GPC6: variants seen among roughly 807,000 people sequenced by gnomAD.
GPC6 encodes glypican 6.
A neutral mutation model predicts 55.2 loss-of-function variants in GPC6; 14 were observed. The ratio of observed to expected loss-of-function variants is 0.25; its 90% CI spans 0.17 to 0.40. The LOEUF is 0.40. Ranked by LOEUF, GPC6 falls within the 10% of genes least tolerant of loss-of-function variation. GPC6 has a pLI of 1.00. For missense variants in GPC6, 641 were observed against 708.5 expected (o/e 0.90, Z 1.08); for synonymous variants, 278 against 259.6 (o/e 1.07, Z -0.68).
chr13:93,434,469 G>C (rs1877489914), intron 1 of GPC6, among the ~76,000 whole-genome samples: 1 of 152,094 alleles, frequency 6.6e-6, no homozygotes, highest in Non-Finnish European at 1.5e-5. Flanking sequence ...CCAATCTGTT[G>C]AGCCCAGACA....
chr13:93,882,107 G>C (rs145288899), intron 3 of GPC6, among the ~76,000 whole-genome samples: 12 of 131,144 alleles, frequency 9.2e-5, no homozygotes, highest in African/African-American at 3.1e-4. Context: ...CTTTTCTTTC[G>C]CGGATTTTAA....
At chr13:93,556,446 T>A (rs1350691256) in intron 2 of GPC6, among the ~76,000 whole-genome samples, 1 of 146,054 alleles carries the variant, frequency 6.8e-6, no homozygotes, top group Non-Finnish European at 1.5e-5. Context: ...TGGGGGTACA[T>A]GAGATGTTTT....
intron 1 of GPC6, among the ~76,000 whole-genome samples, chr13:93,363,655 T>A (rs1241039944): frequency 6.6e-6 from 1 of 151,922 alleles, no homozygotes; most frequent in African/African-American, 2.4e-5. Flanking sequence ...TACCCAGTAA[T>A]GGGATGGCTG....
intron 2 of GPC6, among the ~76,000 whole-genome samples, chr13:93,825,259 G>A (rs536441195): frequency 2.1e-4 from 32 of 152,212 alleles, no homozygotes; most frequent in Non-Finnish European, 4.1e-4. Flanking sequence ...AAAAGGTAGA[G>A]GCCAGGCATA....
intron 1 of GPC6, among the ~76,000 whole-genome samples, chr13:93,231,111 T>G (rs536870483): frequency 6.6e-6 from 1 of 151,668 alleles, no homozygotes; most frequent in African/African-American, 2.4e-5. Flanking sequence ...TTAACCCCAT[T>G]TTATAGATAA....
rs563545561 is a variant in GPC6 at position 93,557,846 on chromosome 13, AT to A, written c.319+12433del. ...AGCCACATTCCCAAAATGTATTGGT[AT>A]TTTTTTTCTTCCAATGGCTGAGATT... On this transcript the variant is annotated intron_variant, in intron 2 of 8. Coordinates refer to ENST00000377047, the MANE Select transcript of GPC6 (RefSeq NM_005708.5). Among the ~76,000 whole-genome samples the A allele has an allele frequency of 8.5e-5, 13 of 152,106 alleles. No homozygotes were observed. The South Asian group carries it at 1.2e-3, about 15-fold the overall frequency.
intron 1 of GPC6, among the ~76,000 whole-genome samples, chr13:93,231,381 A>ACG (rs71123470): frequency 1.1e-4 from 2 of 17,750 alleles, no homozygotes; most frequent in Non-Finnish European, 2.2e-4. Context: ...ATATATATAC[A>ACG]TATATATATA....
intron 1 of GPC6, among the ~76,000 whole-genome samples, chr13:93,490,471 T>A: frequency 6.9e-6 from 1 of 145,280 alleles, no homozygotes; most frequent in African/African-American, 2.5e-5. Context: ...TTTTTTTTTT[T>A]TTTTTTCAAC....
At chr13:93,971,262 T>G (rs115671312) in intron 3 of GPC6, among the ~76,000 whole-genome samples, 2,781 of 152,316 alleles carry the variant, frequency 0.018, 97 homozygotes, top group African/African-American at 0.063. Context: ...TTATTGAATA[T>G]GTAATTTATT....
intron 2 of GPC6, among the ~76,000 whole-genome samples, chr13:93,646,945 T>A (rs7995942): frequency 7.3e-5 from 11 of 151,718 alleles, no homozygotes; most frequent in Non-Finnish European, 1.0e-4. Flanking sequence ...GCATTTATGC[T>A]GAAACACAGA....
chr13:93,840,063 C>A (rs1044037014), intron 3 of GPC6, among the ~76,000 whole-genome samples: 11 of 152,064 alleles, frequency 7.2e-5, no homozygotes, highest in African/African-American at 2.7e-4. Context: ...TCTTTGATAT[C>A]TGGTAGAATT....
intron 3 of GPC6, among the ~76,000 whole-genome samples, chr13:94,021,037 A>T (rs1459029052): frequency 2.0e-5 from 3 of 152,098 alleles, no homozygotes; most frequent in African/African-American, 7.2e-5. Flanking sequence ...ATGACTCATT[A>T]TGACTCTTAT....
chr13:94,360,381 T>C (rs1196140099), intron 6 of GPC6, among the ~76,000 whole-genome samples: 2 of 152,226 alleles, frequency 1.3e-5, no homozygotes, highest in Non-Finnish European at 2.9e-5. Flanking sequence ...AATCCACTGT[T>C]ATACATAACC....
chr13:93,325,882 C>T (rs1442923937), intron 1 of GPC6, among the ~76,000 whole-genome samples: 1 of 152,048 alleles, frequency 6.6e-6, no homozygotes. Flanking sequence ...AGTGTGGATA[C>T]AGAGGAGGTA....
chr13:93,910,157 C>T (rs146034344), intron 3 of GPC6, among the ~76,000 whole-genome samples: 5 of 152,082 alleles, frequency 3.3e-5, no homozygotes, highest in Admixed American at 6.5e-5. Flanking sequence ...ACAATTCCTA[C>T]GTGTCATGCA....
intron 1 of GPC6, among the ~76,000 whole-genome samples, chr13:93,453,927 A>ATG (rs1878330036): frequency 6.6e-6 from 1 of 152,086 alleles, no homozygotes; most frequent in Admixed American, 6.5e-5. Context: ...GCCTGCTTTT[A>ATG]TTCTTTTATC....
intron 6 of GPC6, among the ~76,000 whole-genome samples, chr13:94,360,599 G>A (rs576708688): frequency 6.6e-6 from 1 of 152,242 alleles, no homozygotes; most frequent in East Asian, 1.9e-4. Flanking sequence ...CAAGAATTAG[G>A]AAATTGTTTG....
At chr13:93,547,525 T>C (rs1407325831) in intron 2 of GPC6, among the ~76,000 whole-genome samples, 1 of 152,210 alleles carries the variant, frequency 6.6e-6, no homozygotes, top group Non-Finnish European at 1.5e-5. Context: ...TATAGGTATA[T>C]AGGTATACTT....
intron 2 of GPC6, among the ~76,000 whole-genome samples, chr13:93,615,153 A>C (rs1407314144): frequency 6.6e-6 from 1 of 152,128 alleles, no homozygotes; most frequent in Non-Finnish European, 1.5e-5. Context: ...GACCAATAAA[A>C]GTTTCCTGTG....
Sources: gnomAD v4.1 joint callset for allele counts (sites outside exome capture counted in the v4.1 genomes callset) on GRCh38, gnomAD v4.1.1 for gene constraint, MANE v1.5 for transcripts, NCBI Gene and HGNC (gene_info 2026-07-23, HGNC 2026-07-21) for gene names.